SASH1: variants seen among roughly 807,000 people sequenced by gnomAD.
The protein encoded by SASH1 is SAM and SH3 domain containing 1.
In SASH1, 44 loss-of-function variants were observed where a neutral mutation model predicts 125.2. That is an observed-to-expected ratio of 0.35 (90% CI 0.28 to 0.45). SASH1 has a LOEUF of 0.45. Ranked by LOEUF, SASH1 falls within the 20% of genes least tolerant of loss-of-function variation. The probability of loss-of-function intolerance (pLI) is 1.00; values close to 1 mark genes in which losing one functional copy is unlikely to be tolerated. For missense variants in SASH1, 1,426 were observed against 1,614.5 expected (o/e 0.88, Z 2.00); for synonymous variants, 639 against 649.1 (o/e 0.98, Z 0.24).
chr6:148,504,987 C>G (rs561402227), intron 8 of SASH1, among the ~76,000 whole-genome samples: 1 of 152,262 alleles, frequency 6.6e-6, no homozygotes, highest in East Asian at 1.9e-4. Context: ...ATCCTTCCCG[C>G]CACCCTCCCC....
At chr6:148,491,610 A>G (rs908079750) in intron 8 of SASH1, among the ~76,000 whole-genome samples, 1 of 152,112 alleles carries the variant, frequency 6.6e-6, no homozygotes, top group Admixed American at 6.5e-5. Flanking sequence ...AGCATGTTTT[A>G]TGTCTTGCAA....
chr6:148,411,833 T>C (rs963085905), intron 2 of SASH1, among the ~76,000 whole-genome samples: 1 of 152,224 alleles, frequency 6.6e-6, no homozygotes, highest in East Asian at 1.9e-4. Flanking sequence ...CGTGAGCCAC[T>C]GTGCTCAGCC....
At chr6:148,391,598 T>C (rs1332422754) in intron 2 of SASH1, among the ~76,000 whole-genome samples, 2 of 152,176 alleles carry the variant, frequency 1.3e-5, no homozygotes, top group Non-Finnish European at 2.9e-5. Flanking sequence ...TTGAAATAAA[T>C]TTGGCTGTTT....
At position 148,514,004 on chromosome 6, in the gene SASH1, G is replaced by A. The variant is rs147841275; in HGVS notation, c.730-320G>A. The A allele has an allele frequency of 9.1e-4, 937 of 1,024,504 alleles. 11 individuals carry two copies. In the African/African-American group the frequency reaches 0.015, roughly 16 times the overall value. The allele number at this position is 1,024,504 out of a possible 1,614,324, so 63.5% of individuals were successfully genotyped here. A position where few individuals can be genotyped will look rare whatever the true frequency, so the allele number is the denominator to read the frequency against. ...AAACTGGAATTACAGGGCCAGCATC[G>A]GAGGGAGAGTCCTGCTGGAGTCCTC... On this transcript the variant is annotated intron_variant, in intron 8 of 19. Transcript: ENST00000367467.
intron 2 of SASH1, among the ~76,000 whole-genome samples, chr6:148,411,207 G>C (rs1223945636): frequency 1.4e-5 from 2 of 139,138 alleles, no homozygotes; most frequent in African/African-American, 5.2e-5. Context: ...GGCCTTCCAG[G>C]TCTGTATTTT....
the SASH1 span, among the ~76,000 whole-genome samples, chr6:148,262,720 T>C: frequency 6.6e-6 from 1 of 152,006 alleles, no homozygotes; most frequent in Admixed American, 6.5e-5. Context: ...CCATCTCTAG[T>C]AAAAATACAA....
chr6:148,236,417 G>A, the SASH1 span, among the ~76,000 whole-genome samples: 2 of 152,014 alleles, frequency 1.3e-5, no homozygotes, highest in Non-Finnish European at 2.9e-5. Flanking sequence ...TCACCATGTT[G>A]GCCAGGCTGG....
intron 9 of SASH1, among the ~76,000 whole-genome samples, chr6:148,515,934 G>A (rs1313510419): frequency 6.6e-6 from 1 of 152,096 alleles, no homozygotes; most frequent in Admixed American, 6.6e-5. Flanking sequence ...TCTAGTCCTG[G>A]GCCTGTTCCC....
chr6:148,325,727 G>T (rs1006987510), intron 1 of SASH1, among the ~76,000 whole-genome samples: 1 of 152,060 alleles, frequency 6.6e-6, no homozygotes, highest in African/African-American at 2.4e-5. Context: ...ATGAGATTTG[G>T]GTGGAGACAC....
intron 1 of SASH1, among the ~76,000 whole-genome samples, chr6:148,286,943 G>A (rs375193296): frequency 6.6e-6 from 1 of 152,134 alleles, no homozygotes; most frequent in East Asian, 1.9e-4. Context: ...ACAGCCTGGG[G>A]GTCCCATCAC....
the SASH1 span, among the ~76,000 whole-genome samples, chr6:148,206,793 GCACACACACACACACACA>G: frequency 9.7e-4 from 130 of 134,566 alleles, no homozygotes; most frequent in African/African-American, 3.5e-3. Context: ...CCATCTCAAA[GCACACACACACACACACA>G]CACACACACA....
chr6:148,512,946 G>A (rs745606409), intron 8 of SASH1: 3 of 985,430 alleles, frequency 3.0e-6, no homozygotes, highest in Non-Finnish European at 2.4e-6. Context: ...CATGCCTTGA[G>A]TTCCAGGGTG....
chr6:148,358,727 G>GGTTTTTTTTTTTTTTTTTTTTTTTTTT (rs1239319632), intron 1 of SASH1, among the ~76,000 whole-genome samples: 1 of 98,788 alleles, frequency 1.0e-5, no homozygotes, highest in Non-Finnish European at 2.2e-5. Context: ...CTAATGCCAT[G>GGTTTTTTTTTTTTTTTTTTTTTTTTTT]TTTTTGTTTT....
At chr6:148,378,389 C>CT (rs370855505) in intron 1 of SASH1, among the ~76,000 whole-genome samples, 85 of 142,960 alleles carry the variant, frequency 5.9e-4, no homozygotes, top group African/African-American at 2.1e-3. Flanking sequence ...GGGTCTCACT[C>CT]TGTCGCCCAG....
chr6:148,512,653 C>T (rs1780212392), intron 8 of SASH1: 6 of 984,202 alleles, frequency 6.1e-6, no homozygotes, highest in Non-Finnish European at 7.2e-6. Context: ...AGTTTTAAGC[C>T]TAATTGTCAG....
Position 148,429,421 on chromosome 6 carries a change from A to G in SASH1, c.286-10763A>G, listed in dbSNP as rs946122137. On this transcript the variant is annotated intron_variant, in intron 2 of 19. Coordinates refer to ENST00000367467, the MANE Select transcript of SASH1 (RefSeq NM_015278.5). ...AAAAAAAAAAAAAAAAAGAGGAAGG[A>G]AAAAAGAGTCAGGCTTATTGGCAAA... Among the ~76,000 whole-genome samples, 62 of 150,128 alleles carry G rather than the reference A, an allele frequency of 4.1e-4. 1 individual carries two copies. The highest frequency in any genetic ancestry group is 2.2e-3 in the Admixed American group (33 of 14,998).
At chr6:148,439,193 T>G (rs1378884670) in intron 2 of SASH1, among the ~76,000 whole-genome samples, 1 of 152,218 alleles carries the variant, frequency 6.6e-6, no homozygotes, top group Non-Finnish European at 1.5e-5. Context: ...AACTATGAAA[T>G]GAGGGTGTTA....
Position 148,474,491 on chromosome 6 carries a change from G to C in SASH1, c.627+269G>C, listed in dbSNP as rs139479177. ...CTGAATGCAGCTGCAAAATTCACAAGCCTTTTGAAAAGAATGTAATCAGTA... is the reference window on the plus strand; with the variant it reads ...CTGAATGCAGCTGCAAAATTCACAACCCTTTTGAAAAGAATGTAATCAGTA... On this transcript the variant is annotated intron_variant, in intron 7 of 19. Coordinates refer to ENST00000367467, the MANE Select transcript of SASH1 (RefSeq NM_015278.5). Among the ~76,000 whole-genome samples the C allele has an allele frequency of 6.5e-3, 986 of 152,264 alleles. 7 individuals are homozygous for C. The highest frequency in any genetic ancestry group is 8.8e-3 in the Non-Finnish European group (600 of 68,016).
At chr6:148,217,920 C>A in the SASH1 span, among the ~76,000 whole-genome samples, 1 of 150,302 alleles carries the variant, frequency 6.7e-6, no homozygotes, top group Admixed American at 6.6e-5. Flanking sequence ...GAGGCTGAGG[C>A]AGGAGGATCA....
Sources: gnomAD v4.1 joint callset for allele counts (sites outside exome capture counted in the v4.1 genomes callset) on GRCh38, gnomAD v4.1.1 for gene constraint, MANE v1.5 for transcripts, NCBI Gene and HGNC (gene_info 2026-07-23, HGNC 2026-07-21) for gene names.